Variants in C2CD2 observed in about 807,000 individuals in gnomAD.
C2CD2 encodes the protein C2 calcium dependent domain containing 2.
C2CD2 carries 43 observed loss-of-function variants against 74.3 expected under a neutral mutation model. That is an observed-to-expected ratio of 0.58 (90% CI 0.45 to 0.75). The LOEUF (loss-of-function observed/expected upper bound fraction) is 0.75. Ranked by LOEUF, C2CD2 falls within the 30% of genes least tolerant of loss-of-function variation. The probability of loss-of-function intolerance (pLI) is 0.00; values close to 1 mark genes in which losing one functional copy is unlikely to be tolerated. For missense variants in C2CD2, 801 were observed against 916.3 expected, an observed-to-expected ratio of 0.87 and a Z score of 1.63; for synonymous variants, 422 against 390.7, an observed-to-expected ratio of 1.08 and a Z score of -0.94.
At chr21:41,946,626 AACC>A (rs2065399883) in intron 1 of C2CD2, among the ~76,000 whole-genome samples, 1 of 152,160 alleles carries the variant, frequency 6.6e-6, no homozygotes, top group Non-Finnish European at 1.5e-5. Flanking sequence ...ATTTCTTATA[AACC>A]ACCAGTCTTT....
chr21:41,930,049 G>A (rs778839556), intron 2 of C2CD2, among the ~76,000 whole-genome samples: 2 of 133,888 alleles, frequency 1.5e-5, no homozygotes, highest in African/African-American at 2.5e-5. Context: ...TTGCTTTGGC[G>A]CCTTATCTAT....
rs772256464 is a variant in C2CD2, at chr21:41,907,869, C to T, written c.1019-85G>A. Reference sequence around the variant, plus strand: ...CGGAAAGGCCCACACGCCCAGCAGCCGGAACACGCTCCTCCCGTGCATCCA... The same window carrying T: ...CGGAAAGGCCCACACGCCCAGCAGCTGGAACACGCTCCTCCCGTGCATCCA... On this transcript the variant is annotated intron_variant, in intron 8 of 13. Coordinates refer to ENST00000380486, the MANE Select transcript of C2CD2 (RefSeq NM_015500.2). The T allele has an allele frequency of 1.3e-4, 191 of 1,430,118 alleles. 1 individual carries two copies. The highest frequency in any genetic ancestry group is 1.5e-4 in the Non-Finnish European group (149 of 1,016,942). The allele number at this position is 1,430,118 out of a possible 1,614,324, so 88.6% of individuals were successfully genotyped here.
intron 6 of C2CD2, among the ~76,000 whole-genome samples, chr21:41,912,865 G>C (rs575642767): frequency 6.6e-6 from 1 of 152,358 alleles, no homozygotes; most frequent in Admixed American, 6.5e-5. Flanking sequence ...CTAAGGTCGA[G>C]GTTTACCCAC....
rs1171164596 is a variant in C2CD2 at position 41,945,363 on chromosome 21, G to T, written c.280-3118C>A. Among the ~76,000 whole-genome samples, 1 of 152,156 alleles carries T rather than the reference G, an allele frequency of 6.6e-6. No individual in the cohort carries two copies. Among genetic ancestry groups the T allele is most frequent in the Non-Finnish European group, 1.5e-5 (1 of 68,034 alleles). On this transcript the variant is annotated intron_variant, in intron 1 of 13. Transcript: ENST00000380486. This position sits in a 1 kb window ranked among gnomAD's most constrained non-coding sequence, Gnocchi z 4.2. ...GGAGCAATGAGAACCAAGAGGTAAT[G>T]AACACACTTAATGCCTAGGTCTTGG...
At chr21:41,898,981 C>A in intron 13 of C2CD2, 72 bp downstream of exon 13, 1 of 1,176,174 alleles carries the variant, frequency 8.5e-7, no homozygotes, top group South Asian at 1.3e-5. Flanking sequence ...CAGATGACTT[C>A]AGCTTGGAAG....
intron 7 of C2CD2, among the ~76,000 whole-genome samples, chr21:41,911,053 T>C (rs2065020246): frequency 6.6e-6 from 1 of 152,224 alleles, no homozygotes; most frequent in Non-Finnish European, 1.5e-5. Context: ...TTCTGGTATT[T>C]ACCATTTATA....
chr21:41,915,408 C>T (rs1422820702), intron 5 of C2CD2, among the ~76,000 whole-genome samples: 1 of 151,286 alleles, frequency 6.6e-6, no homozygotes, highest in African/African-American at 2.5e-5. Flanking sequence ...TTTCCCAAAC[C>T]GGGTTCCACC....
intron 1 of C2CD2, among the ~76,000 whole-genome samples, chr21:41,947,125 T>TCTCC: frequency 1.0e-5 from 1 of 99,460 alleles, no homozygotes; most frequent in Non-Finnish European, 2.1e-5. Context: ...TCTCTCTCTC[T>TCTCC]CTCTCTCTCT....
rs761913117 is a variant in C2CD2 at position 41,892,770 on chromosome 21, C to T, written c.1871-3426G>A. On this transcript the variant is annotated intron_variant, in intron 13 of 13. Transcript: ENST00000380486. This position sits in a 1 kb window ranked among gnomAD's most constrained non-coding sequence, Gnocchi z 4.6. Reference sequence around the variant, plus strand: ...GCTTAGAGCACTCGGAGGCCACAGCCGACAACGCAGGAGCAGGCCAGGGCC... The same window carrying T: ...GCTTAGAGCACTCGGAGGCCACAGCTGACAACGCAGGAGCAGGCCAGGGCC... Among the ~76,000 whole-genome samples the T allele has an allele frequency of 7.9e-5, 12 of 152,220 alleles. 1 individual carries two copies. The highest frequency in any genetic ancestry group is 1.5e-4 in the Non-Finnish European group (10 of 68,040).
chr21:41,902,351 C>T (rs2064909554), intron 11 of C2CD2, among the ~76,000 whole-genome samples: 1 of 152,204 alleles, frequency 6.6e-6, no homozygotes, highest in African/African-American at 2.4e-5. Flanking sequence ...AATAACAACA[C>T]ACACCAGCCA....
intron 10 of C2CD2, 90 bp from the exon 11 acceptor site, chr21:41,905,927 A>G (rs2064957401): frequency 2.6e-6 from 2 of 770,340 alleles, no homozygotes. Context: ...CCTCACTGCA[A>G]CTCTGGTGTG....
intron 2 of C2CD2, among the ~76,000 whole-genome samples, chr21:41,933,418 T>A (rs2065280154): frequency 6.6e-6 from 1 of 152,218 alleles, no homozygotes; most frequent in African/African-American, 2.4e-5. Flanking sequence ...ACGGCAGTTC[T>A]AGGGCTGAAC....
In C2CD2 at chr21:41,914,725, A is replaced by C. The variant is rs898638835; in HGVS notation, c.721-4T>G. On this transcript the variant is annotated splice_region_variant and splice_polypyrimidine_tract_variant and intron_variant, in intron 5 of 13. Transcript: ENST00000380486. The stretch of plus-strand genomic sequence containing the variant: ...TAGATGCAGCACACTGTAAGTTCTG[A>C]AAAAATAAAGAGCACTTTATTTTTG... 6.2e-7 allele frequency: 1 copy of C among 1,610,914 alleles called. No individual in the cohort carries two copies.
In C2CD2 at chr21:41,921,513, T is replaced by C. The variant is rs532200681; in HGVS notation, c.492+459A>G. On this transcript the variant is annotated intron_variant, in intron 3 of 13. Transcript: ENST00000380486. ...TGAAAACATGGAATAATGGTAATAC[T>C]AATTTTTTAACTTATAAAAATAATA... 2.6e-5 allele frequency among the ~76,000 whole-genome samples: 4 copies of C among 152,350 alleles called. No individual in the cohort carries two copies. The South Asian group carries it at 8.3e-4, about 32-fold the overall frequency.
At chr21:41,946,311 T>C (rs1163768657) in intron 1 of C2CD2, among the ~76,000 whole-genome samples, 2 of 152,138 alleles carry the variant, frequency 1.3e-5, no homozygotes, top group East Asian at 3.9e-4. Context: ...TGCCCAAATC[T>C]CATGTCGAAT....
intron 1 of C2CD2, among the ~76,000 whole-genome samples, chr21:41,952,117 A>G (rs2065455075): frequency 6.6e-6 from 1 of 152,232 alleles, no homozygotes; most frequent in African/African-American, 2.4e-5. Flanking sequence ...GGTTTCCCTG[A>G]GACACTCTCC....
At chr21:41,914,222 A>G (rs2065061362) in intron 6 of C2CD2, among the ~76,000 whole-genome samples, 1 of 151,662 alleles carries the variant, frequency 6.6e-6, no homozygotes, top group Non-Finnish European at 1.5e-5. Context: ...GCGAAACTCC[A>G]TCTCAAAAAA....
rs9974123 is a variant in C2CD2, at chr21:41,899,315, C to T, written c.1608G>A (p.Thr536=). The T allele has an allele frequency of 0.016, 26,160 of 1,610,112 alleles. 340 individuals carry two copies. The highest frequency in any genetic ancestry group is 0.048 in the East Asian group (2,171 of 44,868). Residue 536 remains threonine (T), a synonymous_variant, in exon 13 of 14, where the codon ACG becomes ACA. Transcript: ENST00000380486. This position sits in a 1 kb window ranked among gnomAD's most constrained non-coding sequence, Gnocchi z 4.4. The part of the protein sequence containing the change: ...DHDAALMQGY[T]ASVDSTHQED... ...CCTGGTGGGTGCTGTCCACAGAGGC[C>T]GTGTAGCCCTGCATCAGGGCAGCGT...
At chr21:41,932,108 G>A (rs2065267837) in intron 2 of C2CD2, among the ~76,000 whole-genome samples, 1 of 148,214 alleles carries the variant, frequency 6.7e-6, no homozygotes, top group African/African-American at 2.5e-5. Flanking sequence ...GCTAGAGGTC[G>A]CATTCAATCA....
Sources: allele counts gnomAD v4.1 joint callset (sites outside exome capture counted in the v4.1 genomes callset), GRCh38; gene constraint gnomAD v4.1.1; non-coding constraint Gnocchi (gnomAD v3.1); transcripts MANE v1.5; gene names NCBI Gene and HGNC (gene_info 2026-07-23, HGNC 2026-07-21).